Variants in ACSL4 observed in about 807,000 individuals in gnomAD.
ACSL4 encodes long-chain-fatty-acid--CoA ligase 4.
ACSL4 carries 9 observed loss-of-function variants against 49.1 expected under a neutral mutation model. The ratio of observed to expected loss-of-function variants is 0.18; its 90% CI spans 0.11 to 0.32. The LOEUF is 0.32. ACSL4 is among the 10% of genes least tolerant of loss of function. The pLI is 1.00. For missense variants in ACSL4, 333 were observed against 493.7 expected (o/e 0.67, Z 3.08); for synonymous variants, 191 against 170.3 (o/e 1.12, Z -0.95).
At chrX:109,710,501 A>C (rs1248583759) in intron 1 of ACSL4, among the ~76,000 whole-genome samples, 1 of 112,081 alleles carries the variant, frequency 8.9e-6, no homozygotes, top group African/African-American at 3.2e-5. Flanking sequence ...AATTTCTAGA[A>C]TCTAGATTAA....
intron 15 of ACSL4, among the ~76,000 whole-genome samples, chrX:109,655,872 A>C (rs1008330187): frequency 2.7e-5 from 3 of 111,806 alleles, no homozygotes; most frequent in Admixed American, 1.9e-4. Context: ...AGGAAAAATG[A>C]TTTAGAATTT....
intron 1 of ACSL4, among the ~76,000 whole-genome samples, chrX:109,699,354 AC>A (rs1329892166): frequency 8.9e-6 from 1 of 112,477 alleles, no homozygotes; most frequent in Non-Finnish European, 1.9e-5. Flanking sequence ...GGTCTCAAAA[AC>A]AAAAAGAAAA....
intron 15 of ACSL4, among the ~76,000 whole-genome samples, chrX:109,652,208 G>A (rs1184501699): frequency 8.9e-6 from 1 of 112,009 alleles, no homozygotes; most frequent in Non-Finnish European, 1.9e-5. Flanking sequence ...TGACAGATTT[G>A]CTGAATACAA....
At chrX:109,705,165 A>G (rs898335013) in intron 1 of ACSL4, among the ~76,000 whole-genome samples, 4 of 112,199 alleles carry the variant, frequency 3.6e-5, no homozygotes, top group African/African-American at 1.3e-4. Context: ...TTTTGGTGCC[A>G]ATAGTTTTCA....
At chrX:109,683,515 T>C (rs1310433421) in intron 2 of ACSL4, 140 bp from the exon 3 acceptor site, 3 of 1,131,245 alleles carry the variant, frequency 2.7e-6, no homozygotes, top group Middle Eastern at 2.5e-4. Flanking sequence ...ATGGTGCTTA[T>C]TTCTTGTTAT....
chrX:109,700,207 C>CAAAAAAA (rs748667601), intron 1 of ACSL4, among the ~76,000 whole-genome samples: 2 of 16,279 alleles, frequency 1.2e-4, no homozygotes, highest in Non-Finnish European at 2.3e-4. Flanking sequence ...GACTCCGTCT[C>CAAAAAAA]AAAAAAAAAA....
At chrX:109,664,985 T>C (rs546512942) in intron 12 of ACSL4, among the ~76,000 whole-genome samples, 1 of 111,616 alleles carries the variant, frequency 9.0e-6, no homozygotes, top group African/African-American at 3.2e-5. Context: ...ACTATACAAA[T>C]AGCTGGACAG....
At chrX:109,665,125 T>C (rs941906428) in intron 12 of ACSL4, among the ~76,000 whole-genome samples, 17 of 111,396 alleles carry the variant, frequency 1.5e-4, no homozygotes, top group African/African-American at 5.2e-4. Flanking sequence ...ACTAGTAAAG[T>C]CAAGTTTCAA....
At chrX:109,687,174 C>G (rs1924680823) in intron 2 of ACSL4, among the ~76,000 whole-genome samples, 1 of 112,072 alleles carries the variant, frequency 8.9e-6, no homozygotes, top group African/African-American at 3.2e-5. Context: ...TCATCTTAAA[C>G]TATAATACTT....
intron 2 of ACSL4, chrX:109,683,688 C>T (rs1471544182): frequency 2.7e-6 from 1 of 377,257 alleles, no homozygotes; most frequent in African/African-American, 2.6e-5. Context: ...GACAATGAAC[C>T]AAGCAGAGAG....
chrX:109,650,557 T>C (rs1224893445), intron 15 of ACSL4, among the ~76,000 whole-genome samples: 52 of 107,335 alleles, frequency 4.8e-4, no homozygotes, highest in Non-Finnish European at 9.1e-4. Context: ...AGGGATAGCA[T>C]TGGGAGATAT....
At chrX:109,656,797 G>GAA (rs370912273) in intron 15 of ACSL4, among the ~76,000 whole-genome samples, 3 of 97,009 alleles carry the variant, frequency 3.1e-5, no homozygotes, top group African/African-American at 1.1e-4. Flanking sequence ...TGGGAAAAAA[G>GAA]AAAAAAAAAA....
chrX:109,710,185 T>C (rs1240121237), intron 1 of ACSL4, among the ~76,000 whole-genome samples: 1 of 112,381 alleles, frequency 8.9e-6, no homozygotes, highest in Non-Finnish European at 1.9e-5. Flanking sequence ...CCCAGCATAA[T>C]TATCAAACCC....
In ACSL4 at chrX:109,655,275, T is replaced by C. The variant is rs917550189; in HGVS notation, c.1855+4079A>G. Among the ~76,000 whole-genome samples the C allele has an allele frequency of 8.7e-4, 97 of 111,194 alleles. 2 individuals carry two copies. The highest frequency in any genetic ancestry group is 3.1e-3 in the African/African-American group (96 of 30,509). ...GGAGAAGAAAACTACATAAAAAGGA[T>C]TCCTTTTAATATCCTCAGAGGAATA... On this transcript the variant is annotated intron_variant, in intron 15 of 15. Coordinates refer to ENST00000672401, the MANE Select transcript of ACSL4 (RefSeq NM_001318510.2).
chrX:109,668,361 C>T (rs1922862916), intron 10 of ACSL4, 88 bp from the exon 11 acceptor site: 1 of 834,702 alleles, frequency 1.2e-6, no homozygotes, highest in Non-Finnish European at 1.7e-6. Context: ...AAAGATTCCT[C>T]AACTGGTTGA....
intron 15 of ACSL4, among the ~76,000 whole-genome samples, chrX:109,645,267 T>G (rs1934619343): frequency 8.9e-6 from 1 of 112,505 alleles, no homozygotes; most frequent in Admixed American, 9.3e-5. Context: ...GACTTAAATG[T>G]CCCTGTCTGA....
At chrX:109,673,121 A>G (rs1176171025) in intron 9 of ACSL4, among the ~76,000 whole-genome samples, 2 of 112,118 alleles carry the variant, frequency 1.8e-5, no homozygotes, top group Non-Finnish European at 3.8e-5. Context: ...CTTCAGGCCT[A>G]AAATCGGAGA....
At chrX:109,731,208 A>G (rs1286537982) in intron 1 of ACSL4, among the ~76,000 whole-genome samples, 1 of 111,112 alleles carries the variant, frequency 9.0e-6, no homozygotes, top group African/African-American at 3.3e-5. Flanking sequence ...AGGATTTATA[A>G]CAGCCTTAAC....
intron 2 of ACSL4, among the ~76,000 whole-genome samples, chrX:109,693,035 C>T (rs747708342): frequency 9.0e-6 from 1 of 111,431 alleles, no homozygotes; most frequent in Admixed American, 9.6e-5. Context: ...ATTCATGTTA[C>T]AGGGAGAATT....
Sources: allele counts gnomAD v4.1 joint callset (sites outside exome capture counted in the v4.1 genomes callset), GRCh38; gene constraint gnomAD v4.1.1; transcripts MANE v1.5; gene names NCBI Gene and HGNC (gene_info 2026-07-23, HGNC 2026-07-21).